Variants in GSDME observed in about 807,000 individuals in gnomAD.
GSDME encodes the protein gasdermin-E.
GSDME carries 44 observed loss-of-function variants against 47.5 expected under a neutral mutation model. That is an observed-to-expected ratio of 0.93 (90% CI 0.73 to 1.19). The LOEUF (loss-of-function observed/expected upper bound fraction) is 1.19. GSDME is among the 50% of genes most tolerant of loss of function. The pLI is 0.00. For synonymous variants in GSDME, 258 were observed against 252.8 expected (o/e 1.02, Z -0.20); for missense variants, 663 against 604.2 (o/e 1.10, Z -1.02).
In GSDME at chr7:24,724,799, G is replaced by A. The variant is rs1789912187; in HGVS notation, c.405-5581C>T. ...TTCATGTTGAAATGTGATCCCCAGTGCTAGAGGTGGGCCCTGGTGGGAGGT... is the reference window on the plus strand; with the variant it reads ...TTCATGTTGAAATGTGATCCCCAGTACTAGAGGTGGGCCCTGGTGGGAGGT... On this transcript the variant is annotated intron_variant, in intron 3 of 9. Transcript: ENST00000645220. This position sits in a 1 kb window ranked among gnomAD's most constrained non-coding sequence, Gnocchi z 4.8. 1 of 152,270 alleles carries A rather than the reference G, an allele frequency of 6.6e-6. No homozygotes were observed. Among genetic ancestry groups the A allele is most frequent in the African/African-American group, 2.4e-5 (1 of 41,456 alleles). 9.4% of individuals were successfully genotyped at this position (152,270 alleles called of 1,614,324 possible). A position where few individuals can be genotyped will look rare whatever the true frequency, so the allele number is the denominator to read the frequency against.
At position 24,749,679 on chromosome 7, in the gene GSDME, C is replaced by G. The variant is rs1377508822; in HGVS notation, c.96G>C (p.Gln32His). 2.5e-6 allele frequency: 4 copies of G among 1,613,984 alleles called. No homozygotes were observed. Residue 32 changes from glutamine (Q) to histidine (H), a missense_variant, in exon 2 of 10, where the codon CAG becomes CAC. Gln to His is a conservative substitution (Grantham distance 24, BLOSUM62 0). Coordinates refer to ENST00000645220, the MANE Select transcript of GSDME (RefSeq NM_001127453.2). Reference sequence around the variant, plus strand: ...TCTTTTTTGTCACCAGACTTAGAAGCTGTAACTTATCAGAGTCATTCAGAT... The same window carrying G: ...TCTTTTTTGTCACCAGACTTAGAAGGTGTAACTTATCAGAGTCATTCAGAT... ...VSNLNDSDKL[Q>H]LLSLVTKKKR...
chr7:24,749,507 A>AG (rs1790784773), intron 2 of GSDME, 57 bp downstream of exon 2: 1 of 1,471,430 alleles, frequency 6.8e-7, no homozygotes, highest in East Asian at 2.3e-5. Context: ...CAAAAAAAAA[A>AG]AAAAAAAGGA....
the GSDME span, among the ~76,000 whole-genome samples, chr7:24,783,529 T>C: frequency 2.0e-5 from 3 of 152,186 alleles, no homozygotes; most frequent in Non-Finnish European, 4.4e-5. Context: ...AAGGCCAAGC[T>C]TGTGACTGCA....
In GSDME at chr7:24,735,893, G is replaced by A. The variant is rs541189960; in HGVS notation, c.404+8669C>T. Among the ~76,000 whole-genome samples, 116 of 152,084 alleles carry A rather than the reference G, an allele frequency of 7.6e-4. No homozygotes were observed. In the South Asian group the frequency reaches 8.3e-3, roughly 11 times the overall value. ...AGTTAAGCCGGGGGACAAAGTTAAG[G>A]CGTGGAGTTTGTATTCATTTTCTTT... On this transcript the variant is annotated intron_variant, in intron 3 of 9. Transcript: ENST00000645220. This position sits in a 1 kb window ranked among gnomAD's most constrained non-coding sequence, Gnocchi z 4.4.
the GSDME span, among the ~76,000 whole-genome samples, chr7:24,765,573 C>A: frequency 2.0e-5 from 3 of 152,208 alleles, no homozygotes; most frequent in Admixed American, 1.3e-4. Flanking sequence ...CGTCACTCCC[C>A]TTTTCTGTAC....
At chr7:24,717,098 G>C in intron 5 of GSDME, 156 bp downstream of exon 5, 1 of 814,526 alleles carries the variant, frequency 1.2e-6, no homozygotes. Flanking sequence ...CATGTGTCCA[G>C]GGACCATGTC....
Position 24,744,417 on chromosome 7 carries a change from T to C in GSDME, c.404+145A>G. On this transcript the variant is annotated intron_variant, in intron 3 of 9. Coordinates refer to ENST00000645220, the MANE Select transcript of GSDME (RefSeq NM_001127453.2). The surrounding 1 kb of genome is among the most constrained non-coding windows in gnomAD (Gnocchi z 4.5). Reference sequence around the variant, plus strand: ...AATTCCAGACTAAAGAATGTGCTCCTCATGAAATTTCAACACAAGCGCATT... The same window carrying C: ...AATTCCAGACTAAAGAATGTGCTCCCCATGAAATTTCAACACAAGCGCATT... 1 of 916,478 alleles carries C rather than the reference T, an allele frequency of 1.1e-6. No homozygotes were observed. Among genetic ancestry groups the C allele is most frequent in the Non-Finnish European group, 1.8e-6 (1 of 570,622 alleles). 56.8% of individuals were successfully genotyped at this position (916,478 alleles called of 1,614,324 possible). A position where few individuals can be genotyped will look rare whatever the true frequency, so the allele number is the denominator to read the frequency against.
At chr7:24,748,144 G>GTATATATATA (rs149368687) in intron 2 of GSDME, among the ~76,000 whole-genome samples, 1 of 140,978 alleles carries the variant, frequency 7.1e-6, no homozygotes, top group Non-Finnish European at 1.5e-5. Flanking sequence ...ATTATATAGA[G>GTATATATATA]TATATATATA....
chr7:24,775,001 G>C, the GSDME span, among the ~76,000 whole-genome samples: 4 of 152,152 alleles, frequency 2.6e-5, no homozygotes, highest in Non-Finnish European at 5.9e-5. Flanking sequence ...TGCATAATAG[G>C]TGGCCCTGGG....
chr7:24,753,623 A>G (rs1298493535), intron 1 of GSDME, among the ~76,000 whole-genome samples: 1 of 152,258 alleles, frequency 6.6e-6, no homozygotes, highest in Admixed American at 6.5e-5. Context: ...AAAAGTATCC[A>G]TCTTAGCAAC....
In GSDME at chr7:24,745,550, T is replaced by C. The variant is rs1043785513; in HGVS notation, c.212-796A>G. ...TAAATGTCTGATCTCATATCTGAAC[T>C]GTCAGCCTTCTCACATCTCCAGGTT... On this transcript the variant is annotated intron_variant, in intron 2 of 9. Coordinates refer to ENST00000645220, the MANE Select transcript of GSDME (RefSeq NM_001127453.2). This position sits in a 1 kb window ranked among gnomAD's most constrained non-coding sequence, Gnocchi z 4.4. 6.6e-6 allele frequency among the ~76,000 whole-genome samples: 1 copy of C among 152,238 alleles called. No individual in the cohort carries two copies. The highest frequency in any genetic ancestry group is 2.4e-5 in the African/African-American group (1 of 41,466).
rs1789987756 is a variant in GSDME, at chr7:24,726,869, TG to T, written c.405-7652del. ...TTTCCAATGGAAACCCTGGGGAGCC[TG>T]GTAAGGCTCTCCAAACCCCAGGGGA... On this transcript the variant is annotated intron_variant, in intron 3 of 9. Transcript: ENST00000645220. The surrounding 1 kb of genome is among the most constrained non-coding windows in gnomAD (Gnocchi z 5.6). Among the ~76,000 whole-genome samples the T allele has an allele frequency of 6.7e-6, 1 of 150,162 alleles. No individual in the cohort carries two copies. Among genetic ancestry groups the T allele is most frequent in the Non-Finnish European group, 1.5e-5 (1 of 67,708 alleles).
At chr7:24,789,588 A>C in the GSDME span, among the ~76,000 whole-genome samples, 1 of 152,250 alleles carries the variant, frequency 6.6e-6, no homozygotes, top group East Asian at 1.9e-4. Context: ...TAGATAACAG[A>C]AGCAGTTAGG....
chr7:24,700,589 G>C (rs191574640), intron 9 of GSDME, among the ~76,000 whole-genome samples: 51 of 152,334 alleles, frequency 3.3e-4, no homozygotes, highest in South Asian at 1.7e-3. Flanking sequence ...CAGGTAGACT[G>C]AAGGGTAGCA....
intron 3 of GSDME, among the ~76,000 whole-genome samples, chr7:24,743,117 T>C (rs1221418285): frequency 1.3e-5 from 2 of 152,170 alleles, no homozygotes; most frequent in African/African-American, 4.8e-5. Flanking sequence ...CATGGGCAGT[T>C]ACTGAAGAGG....
chr7:24,769,448 C>T, the GSDME span, among the ~76,000 whole-genome samples: 42 of 152,290 alleles, frequency 2.8e-4, no homozygotes, highest in African/African-American at 9.6e-4. Flanking sequence ...CTGTTCTTAA[C>T]GAGGCCTGTC....
At chr7:24,707,499 A>C in intron 7 of GSDME, 1 of 460,638 alleles carries the variant, frequency 2.2e-6, no homozygotes, top group South Asian at 1.6e-5. Flanking sequence ...TATAGATTCC[A>C]CCACACGACC....
intron 8 of GSDME, 169 bp downstream of exon 8, chr7:24,706,007 ACCGAAGGG>A: frequency 1.3e-6 from 1 of 765,824 alleles, no homozygotes; most frequent in African/African-American, 1.7e-5. Flanking sequence ...CAGACTCGAG[ACCGAAGGG>A]GGGTTTCCCA....
At chr7:24,762,360 T>A, upstream of GSDME, among the ~76,000 whole-genome samples, 1 of 152,062 alleles carries the variant, frequency 6.6e-6, no homozygotes, top group Admixed American at 6.5e-5. Context: ...ATTATCAGCA[T>A]TAAGGAAATT....
Sources: allele counts gnomAD v4.1 joint callset (sites outside exome capture counted in the v4.1 genomes callset), GRCh38; gene constraint gnomAD v4.1.1; non-coding constraint Gnocchi (gnomAD v3.1); transcripts MANE v1.5; gene names NCBI Gene and HGNC (gene_info 2026-07-23, HGNC 2026-07-21).